CHAF1A: variants seen among roughly 807,000 people sequenced by gnomAD.
The protein encoded by CHAF1A is CAF-1 subunit A.
CHAF1A carries 5 observed loss-of-function variants against 93.2 expected under a neutral mutation model. The ratio of observed to expected loss-of-function variants is 0.05; its 90% CI spans 0.03 to 0.11. The LOEUF (loss-of-function observed/expected upper bound fraction) is 0.11, where lower values mean the gene tolerates loss of function less well. Among genes scored for constraint, CHAF1A ranks in the 10% least tolerant of loss-of-function variants. The pLI is 1.00. For missense variants in CHAF1A, 1,102 were observed against 1,259.9 expected, an observed-to-expected ratio of 0.87 and a Z score of 1.90; for synonymous variants, 504 against 510.3, an observed-to-expected ratio of 0.99 and a Z score of 0.17.
At chr19:4,403,684 A>G (rs1290776287) in intron 1 of CHAF1A, among the ~76,000 whole-genome samples, 1 of 152,250 alleles carries the variant, frequency 6.6e-6, no homozygotes, top group Non-Finnish European at 1.5e-5. Flanking sequence ...ACCATGCCTT[A>G]GTAACAGCCA....
rs1433249031 is a variant in CHAF1A, at chr19:4,440,942, A to AC, written c.2674-1298dup. ...AGACCAGCCTGGCCAACATGGCGAA[A>AC]CCCCCGTCTGTACTAAAAATACAAA... is the stretch of plus-strand genomic sequence containing the variant. On this transcript the variant is annotated intron_variant, in intron 13 of 14. Transcript: ENST00000301280. 8.0e-5 allele frequency among the ~76,000 whole-genome samples: 12 copies of AC among 150,270 alleles called. No individual in the cohort carries two copies. The East Asian group carries it at 2.2e-3, about 27-fold the overall frequency.
At chr19:4,445,564 G>T (rs375913154), downstream of CHAF1A, 20 of 1,613,698 alleles carry the variant, frequency 1.2e-5, no homozygotes, top group Non-Finnish European at 1.7e-5. Context: ...CGGCCCCCGC[G>T]GCCTTGATGT....
downstream of CHAF1A, chr19:4,445,869 G>T: frequency 9.0e-7 from 1 of 1,116,218 alleles, no homozygotes; most frequent in Non-Finnish European, 1.2e-6. Flanking sequence ...GCGTGGAGTA[G>T]TTATGAACTT....
intron 5 of CHAF1A, 80 bp from the exon 6 acceptor site, chr19:4,423,255 A>C: frequency 6.3e-7 from 1 of 1,585,794 alleles, no homozygotes; most frequent in Non-Finnish European, 8.5e-7. Flanking sequence ...AATACTTGCC[A>C]TATACTAACA....
chr19:4,436,119 A>G lies in CHAF1A; in HGVS notation c.2673+2580A>G, dbSNP rs1974278796. On this transcript the variant is annotated intron_variant, in intron 13 of 14. Coordinates refer to ENST00000301280, the MANE Select transcript of CHAF1A (RefSeq NM_005483.3). ...ACACCATTGTACTCGAGCCTGGGCA[A>G]CACAGCAAGATTCTAGTCCCCCAAA... Among the ~76,000 whole-genome samples, 4 of 151,950 alleles carry G rather than the reference A, an allele frequency of 2.6e-5. No homozygotes were observed. In the South Asian group the frequency reaches 8.3e-4, roughly 31 times the overall value.
chr19:4,408,063 G>C (rs1161723185), intron 2 of CHAF1A, among the ~76,000 whole-genome samples: 3 of 151,558 alleles, frequency 2.0e-5, no homozygotes, highest in Admixed American at 1.3e-4. Context: ...CTGCAGAGTA[G>C]TTGCACCACC....
At chr19:4,406,128 C>G (rs1973675365) in intron 2 of CHAF1A, among the ~76,000 whole-genome samples, 166 bp downstream of exon 2, 1 of 152,138 alleles carries the variant, frequency 6.6e-6, no homozygotes, top group Admixed American at 6.5e-5. Context: ...TCGTGGGGTT[C>G]CCACAAGTAA....
intron 1 of CHAF1A, among the ~76,000 whole-genome samples, chr19:4,404,262 T>C (rs1973641024): frequency 6.6e-6 from 1 of 152,226 alleles, no homozygotes; most frequent in African/African-American, 2.4e-5. Flanking sequence ...TACACACATA[T>C]GTGTTAATCG....
chr19:4,409,303 G>A lies in CHAF1A; in HGVS notation c.504G>A (p.Lys168=). ...QGLLKAIQND[K]LAFPGETLSD... is the part of the protein sequence containing the mutation. The stretch of plus-strand genomic sequence containing the variant: ...TGTTGAAGGCCATTCAGAACGACAA[G>A]TTGGCATTTCCTGGAGAGACCCTTT... The change falls in exon 3 of 15, where the codon AAG becomes AAA. Residue 168 remains lysine, a synonymous_variant. Coordinates refer to ENST00000301280, the MANE Select transcript of CHAF1A (RefSeq NM_005483.3). 6.2e-7 allele frequency: 1 copy of A among 1,614,132 alleles called. No individual in the cohort carries two copies. The highest frequency in any genetic ancestry group is 8.5e-7 in the Non-Finnish European group (1 of 1,180,014).
intron 6 of CHAF1A, among the ~76,000 whole-genome samples, 196 bp from the exon 7 acceptor site, chr19:4,423,610 T>C (rs1974029273): frequency 6.6e-6 from 1 of 152,232 alleles, no homozygotes; most frequent in South Asian, 2.1e-4. Flanking sequence ...CTGGCACTTC[T>C]ACCCACAAGG....
Position 4,418,083 on chromosome 19 carries a change from C to A in CHAF1A, c.1017+7C>A. 6.3e-7 allele frequency: 1 copy of A among 1,587,180 alleles called. No homozygotes were observed. Among genetic ancestry groups the A allele is most frequent in the African/African-American group, 1.4e-5 (1 of 73,954 alleles). ...CAAGCTCAGACTGCAAAGAGTAAGA[C>A]ATTTTCCCTGAAATAGAAAATTAAC... On this transcript the variant is annotated splice_region_variant and intron_variant, in intron 4 of 14. Transcript: ENST00000301280.
At chr19:4,446,024 G>A (rs373118368), downstream of CHAF1A, 79 of 1,595,982 alleles carry the variant, frequency 4.9e-5, no homozygotes, top group Non-Finnish European at 6.4e-5. Flanking sequence ...TCGGGTCAGC[G>A]GTGCTCCTGC....
downstream of CHAF1A, chr19:4,446,422 G>T (rs752766527): frequency 6.3e-7 from 1 of 1,577,084 alleles, no homozygotes; most frequent in Non-Finnish European, 8.6e-7. Flanking sequence ...ACCTGCACAC[G>T]CGGGCCAGGT....
intron 10 of CHAF1A, 63 bp downstream of exon 10, chr19:4,429,851 G>C (rs1415603609): frequency 1.4e-6 from 2 of 1,424,724 alleles, no homozygotes; most frequent in African/African-American, 2.8e-5. Context: ...CTGTCCCACA[G>C]TGAGGGGCTA....
intron 2 of CHAF1A, among the ~76,000 whole-genome samples, chr19:4,408,460 C>CATTTTTTTTTTTTTTTTTTTTTTT (rs1568429224): frequency 1.9e-5 from 1 of 51,768 alleles, no homozygotes; most frequent in Non-Finnish European, 3.3e-5. Flanking sequence ...CCGCACCCGG[C>CATTTTTTTTTTTTTTTTTTTTTTT]CTTTTTTTTT....
intron 12 of CHAF1A, 147 bp from the exon 13 acceptor site, chr19:4,432,923 C>T (rs1311537452): frequency 3.1e-6 from 2 of 640,078 alleles, no homozygotes; most frequent in Admixed American, 5.8e-5. Context: ...CCCTGTCTTA[C>T]ACCCGCCCTC....
chr19:4,442,942 G>T lies in CHAF1A; in HGVS notation c.2788G>T (p.Gly930Ter). 6.3e-7 allele frequency: 1 copy of T among 1,599,824 alleles called. No individual in the cohort carries two copies. The highest frequency in any genetic ancestry group is 8.5e-7 in the Non-Finnish European group (1 of 1,174,066). The change falls in exon 15 of 15, where the codon GGA becomes TGA. Residue 930 changes from glycine to a stop codon, truncating the protein, a stop_gained. Coordinates refer to ENST00000301280, the MANE Select transcript of CHAF1A (RefSeq NM_005483.3). LOFTEE classifies it low-confidence loss of function (END_TRUNC). ...PDAAEVQAPC[G>*]AASGAGGGVG... ...CCCTGCAGAGGTCCAAGCCCCGTGT[G>T]GAGCCGCTTCCGGAGCTGGGGGTGG...
At chr19:4,428,567 G>A in intron 7 of CHAF1A, 97 bp from the exon 8 acceptor site, 1 of 1,087,214 alleles carries the variant, frequency 9.2e-7, no homozygotes, top group Non-Finnish European at 1.4e-6. Flanking sequence ...CTTGGCCTTA[G>A]CCTGGATGAA....
rs202196914 is a variant in CHAF1A at position 4,443,136 on chromosome 19, C to G, written c.*111C>G. 1.1e-3 allele frequency: 842 copies of G among 757,586 alleles called. 2 individuals are homozygous for G. Among genetic ancestry groups the G allele is most frequent in the Non-Finnish European group, 1.8e-3 (750 of 423,790 alleles). 46.9% of individuals were successfully genotyped at this position (757,586 alleles called of 1,614,324 possible). A position where few individuals can be genotyped will look rare whatever the true frequency, so the allele number is the denominator to read the frequency against. ...ACTTTGTCCTGCTTCACGGACCTCCCCAAAGTGTGCAGAGTTCTATATAGG... is the reference window on the plus strand; with the variant it reads ...ACTTTGTCCTGCTTCACGGACCTCCGCAAAGTGTGCAGAGTTCTATATAGG... On this transcript the variant is annotated 3_prime_UTR_variant, in exon 15 of 15. Coordinates refer to ENST00000301280, the MANE Select transcript of CHAF1A (RefSeq NM_005483.3).
Sources: allele counts gnomAD v4.1 joint callset (sites outside exome capture counted in the v4.1 genomes callset), GRCh38; gene constraint gnomAD v4.1.1; transcripts MANE v1.5; gene names NCBI Gene and HGNC (gene_info 2026-07-23, HGNC 2026-07-21).